The following GAPVD1 variants were observed in gnomAD, a reference collection of about 807,000 sequenced individuals.
GAPVD1 encodes the protein GTPase activating protein and VPS9 domains 1, also known as GTPase-activating protein and VPS9 domain-containing protein 1.
Under a neutral mutation model 155.5 loss-of-function variants are expected in GAPVD1, and 35 were observed. The observed-to-expected ratio is 0.23, with a 90% CI of 0.17 to 0.30. GAPVD1 has a LOEUF of 0.30. Among genes scored for constraint, GAPVD1 ranks in the 10% least tolerant of loss-of-function variants. The pLI is 1.00. For missense variants in GAPVD1, 1,429 were observed against 1,775.7 expected, an observed-to-expected ratio of 0.80 and a Z score of 3.51; for synonymous variants, 636 against 619.7, an observed-to-expected ratio of 1.03 and a Z score of -0.39.
chr9:125,362,545 TG>T, intron 27 of GAPVD1, 60 bp from the exon 28 acceptor site: 1 of 1,298,438 alleles, frequency 7.7e-7, no homozygotes, highest in South Asian at 1.6e-5. Flanking sequence ...AACACTTAAA[TG>T]ATTTTGGCAG....
intron 10 of GAPVD1, 54 bp from the exon 11 acceptor site, chr9:125,323,744 T>C: frequency 6.3e-7 from 1 of 1,585,842 alleles, no homozygotes; most frequent in Middle Eastern, 1.9e-4. Context: ...AAAAATTGTG[T>C]GGTGGCTCAT....
chr9:125,353,441 A>G lies in GAPVD1; in HGVS notation c.3570-1213A>G, dbSNP rs1849589820. Among the ~76,000 whole-genome samples, 3 of 152,022 alleles carry G rather than the reference A, an allele frequency of 2.0e-5. No individual in the cohort carries two copies. The South Asian group carries it at 6.2e-4, about 32-fold the overall frequency. ...TTCCTGTCTTCTTCTGAGCCCTCCAAACTGTTCCATCCTCTGCCTGTTACC... is the reference window on the plus strand; with the variant it reads ...TTCCTGTCTTCTTCTGAGCCCTCCAGACTGTTCCATCCTCTGCCTGTTACC... On this transcript the variant is annotated intron_variant, in intron 23 of 27. Transcript: ENST00000297933.
In GAPVD1 at chr9:125,362,715, A is replaced by G; in HGVS notation, c.4352A>G (p.Glu1451Gly). ...TGGATGCAGTTCACAGCAGCAGTAG[A>G]ATTCATTAAAACCATCGATGACCGA... ...YWWMQFTAAV[E>G]FIKTIDDRK Residue 1451 changes from glutamate to glycine, a missense_variant, in exon 28 of 28, where the codon GAA becomes GGA. Physicochemically the swap from Glu to Gly is moderately conservative, Grantham distance 98. This residue lies in a region of GAPVD1 where 102 missense variants were observed against 196.5 expected (regional missense o/e 0.52). Coordinates refer to ENST00000297933, the MANE Select transcript of GAPVD1 (RefSeq NM_001282680.3). 1 of 1,613,918 alleles carries G rather than the reference A, an allele frequency of 6.2e-7. No homozygotes were observed. The highest frequency in any genetic ancestry group is 8.5e-7 in the Non-Finnish European group (1 of 1,179,896).
chr9:125,357,752 T>C (rs1478988963), intron 25 of GAPVD1, among the ~76,000 whole-genome samples: 3 of 152,040 alleles, frequency 2.0e-5, no homozygotes, highest in African/African-American at 7.3e-5. Context: ...GGCAGGTGGA[T>C]CACCTGAGGT....
chr9:125,293,857 TATA>T (rs1839199719), intron 2 of GAPVD1, among the ~76,000 whole-genome samples: 1 of 6,454 alleles, frequency 1.5e-4, no homozygotes, highest in Non-Finnish European at 2.3e-4. Context: ...ATATTTTATA[TATA>T]TATATATATA....
At chr9:125,272,437 C>T (rs140767786) in intron 2 of GAPVD1, among the ~76,000 whole-genome samples, 3 of 152,146 alleles carry the variant, frequency 2.0e-5, no homozygotes, top group African/African-American at 7.2e-5. Context: ...CTAACTATTG[C>T]AGGTTGTGAT....
intron 2 of GAPVD1, among the ~76,000 whole-genome samples, chr9:125,273,209 C>G (rs747417066): frequency 5.9e-5 from 9 of 152,144 alleles, no homozygotes; most frequent in Non-Finnish European, 1.0e-4. Context: ...TGTGAAAGTT[C>G]CAGATAGGCA....
At chr9:125,291,766 G>A (rs1010717471) in intron 2 of GAPVD1, among the ~76,000 whole-genome samples, 3 of 152,146 alleles carry the variant, frequency 2.0e-5, no homozygotes, top group African/African-American at 7.2e-5. Context: ...GGTCTATAGA[G>A]GAAGCCATGT....
intron 17 of GAPVD1, 122 bp downstream of exon 17, chr9:125,337,713 G>C: frequency 8.7e-6 from 9 of 1,039,972 alleles, no homozygotes; most frequent in Non-Finnish European, 1.2e-5. Flanking sequence ...GATTAAAGAT[G>C]ATTTGTCAAT....
chr9:125,285,448 T>C (rs1261964078), intron 2 of GAPVD1, among the ~76,000 whole-genome samples: 1 of 143,788 alleles, frequency 7.0e-6, no homozygotes, highest in Non-Finnish European at 1.5e-5. Context: ...ATTTCTTTTT[T>C]CTTTGTTTTT....
chr9:125,274,030 G>A (rs1451141542), intron 2 of GAPVD1, among the ~76,000 whole-genome samples: 1 of 150,804 alleles, frequency 6.6e-6, no homozygotes, highest in African/African-American at 2.4e-5. Flanking sequence ...GTAGTGCTCC[G>A]TCACTTGAGC....
intron 2 of GAPVD1, among the ~76,000 whole-genome samples, chr9:125,281,610 A>T (rs1231601691): frequency 2.0e-5 from 3 of 152,220 alleles, no homozygotes; most frequent in African/African-American, 7.2e-5. Flanking sequence ...ACTAATATTG[A>T]TACATTATCA....
intron 2 of GAPVD1, among the ~76,000 whole-genome samples, chr9:125,281,645 C>T (rs1385283086): frequency 6.6e-6 from 1 of 151,844 alleles, no homozygotes; most frequent in African/African-American, 2.4e-5. Flanking sequence ...TACTTTGTTC[C>T]AATTTCCTCA....
chr9:125,357,609 A>G (rs186463982), intron 25 of GAPVD1, among the ~76,000 whole-genome samples: 16 of 152,224 alleles, frequency 1.1e-4, no homozygotes, highest in African/African-American at 3.4e-4. Flanking sequence ...ATGAACAGTT[A>G]AGTATTTGAA....
At chr9:125,265,816 T>C (rs1371763566) in intron 1 of GAPVD1, among the ~76,000 whole-genome samples, 1 of 147,958 alleles carries the variant, frequency 6.8e-6, no homozygotes, top group East Asian at 2.0e-4. Flanking sequence ...CCTATAATTT[T>C]AGCACTTTTG....
At chr9:125,315,312 G>T (rs1416432093) in intron 9 of GAPVD1, among the ~76,000 whole-genome samples, 2 of 152,078 alleles carry the variant, frequency 1.3e-5, no homozygotes, top group Non-Finnish European at 2.9e-5. Context: ...AACTTATTTG[G>T]AACTCTGGAA....
Position 125,337,438 on chromosome 9 carries a change from T to C in GAPVD1, c.2724T>C (p.Ser908=), listed in dbSNP as rs1173562955. 6.2e-7 allele frequency: 1 copy of C among 1,614,212 alleles called. No homozygotes were observed. Among genetic ancestry groups the C allele is most frequent in the Admixed American group, 1.7e-5 (1 of 60,032 alleles). ...VRSRSSDIVS[S]VRRPMSDPSW... The stretch of plus-strand genomic sequence containing the variant: ...GCAGGAGCTCTGATATAGTATCTTC[T>C]GTCCGGAGACCCATGAGTGACCCCA... The change falls in exon 17 of 28, where the codon TCT becomes TCC. Residue 908 remains serine (S), a synonymous_variant. Transcript: ENST00000297933.
intron 9 of GAPVD1, among the ~76,000 whole-genome samples, chr9:125,315,763 A>C (rs1843328765): frequency 6.6e-6 from 1 of 152,108 alleles, no homozygotes; most frequent in African/African-American, 2.4e-5. Flanking sequence ...ACCAGGGGGC[A>C]CAAAGGCTTT....
chr9:125,348,583 G>T (rs776637675), intron 20 of GAPVD1, among the ~76,000 whole-genome samples: 1 of 152,094 alleles, frequency 6.6e-6, no homozygotes, highest in Non-Finnish European at 1.5e-5. Flanking sequence ...TGCAATCTTG[G>T]CTCACTGCAA....
Sources: gnomAD v4.1 joint callset for allele counts (sites outside exome capture counted in the v4.1 genomes callset) on GRCh38, gnomAD v4.1.1 for gene constraint, gnomAD v4.1.1 regional missense constraint, MANE v1.5 for transcripts, NCBI Gene and HGNC (gene_info 2026-07-23, HGNC 2026-07-21) for gene names.